The following COL14A1 variants were observed in gnomAD, a reference collection of about 807,000 sequenced individuals.
COL14A1 encodes the protein collagen type XIV alpha 1 chain, also known as collagen alpha-1(XIV) chain.
In COL14A1, 136 loss-of-function variants were observed where a neutral mutation model predicts 230.3. That is an observed-to-expected ratio of 0.59 (90% CI 0.51 to 0.68). COL14A1 has a LOEUF of 0.68. COL14A1 is among the 30% of genes least tolerant of loss of function. The probability of loss-of-function intolerance (pLI) is 0.00; values close to 1 mark genes in which losing one functional copy is unlikely to be tolerated. For missense variants in COL14A1, 1,976 were observed against 2,215.8 expected, an observed-to-expected ratio of 0.89 and a Z score of 2.17; for synonymous variants, 792 against 784.1, an observed-to-expected ratio of 1.01 and a Z score of -0.17.
intron 40 of COL14A1, among the ~76,000 whole-genome samples, chr8:120,327,542 C>CTTAA (rs1445531829): frequency 6.6e-6 from 1 of 152,114 alleles, no homozygotes; most frequent in Admixed American, 6.5e-5. Context: ...GGATCCTAAC[C>CTTAA]TTAAGCTTTT....
intron 40 of COL14A1, among the ~76,000 whole-genome samples, chr8:120,331,341 C>T (rs895823260): frequency 5.9e-5 from 9 of 152,098 alleles, no homozygotes; most frequent in Admixed American, 3.9e-4. Context: ...AAAAATTTTA[C>T]GAAATTTTAT....
rs757094640 is a variant in COL14A1, at chr8:120,255,248, G to C, written c.2761G>C (p.Gly921Arg). ...TTTCTATTTCATTCCAGTGTTCTTGGGTGTTACCAATCTCCAAGCCAAACA... is the reference window on the plus strand; with the variant it reads ...TTTCTATTTCATTCCAGTGTTCTTGCGTGTTACCAATCTCCAAGCCAAACA... ...LTGMVKTLFL[G>R]VTNLQAKHVE... The change falls in exon 23 of 48, where the codon GGT becomes CGT. Residue 921 changes from glycine (G) to arginine (R), a missense_variant. Gly to Arg is a moderately radical substitution (Grantham distance 125). This residue lies in a region of COL14A1 where 1,791 missense variants were observed against 2,019.5 expected (regional missense o/e 0.89). Transcript: ENST00000297848. 5 of 1,613,162 alleles carry C rather than the reference G, an allele frequency of 3.1e-6. No homozygotes were observed. The Admixed American group carries it at 5.0e-5, about 16-fold the overall frequency.
chr8:120,290,137 T>G (rs13270797), intron 34 of COL14A1, among the ~76,000 whole-genome samples: 2,738 of 152,294 alleles, frequency 0.018, 36 homozygotes, highest in Non-Finnish European at 0.024. Context: ...TGAACCTCAT[T>G]TATATAAGCA....
chr8:120,215,911 G>A (rs994961490), intron 13 of COL14A1, among the ~76,000 whole-genome samples: 1 of 152,174 alleles, frequency 6.6e-6, no homozygotes, highest in Non-Finnish European at 1.5e-5. Flanking sequence ...AGATACCAAC[G>A]TGGAAATGGC....
At chr8:120,348,536 G>T (rs1007285820) in intron 45 of COL14A1, among the ~76,000 whole-genome samples, 1 of 151,978 alleles carries the variant, frequency 6.6e-6, no homozygotes, top group Admixed American at 6.6e-5. Context: ...AGGGGGAAAG[G>T]GTGGGAAGTG....
At chr8:120,188,778 T>A (rs1308549811) in intron 5 of COL14A1, among the ~76,000 whole-genome samples, 1 of 152,258 alleles carries the variant, frequency 6.6e-6, no homozygotes. Context: ...TATGTTATTT[T>A]ACAAATTAAT....
At chr8:120,209,319 C>G (rs1817546297) in intron 11 of COL14A1, among the ~76,000 whole-genome samples, 1 of 152,006 alleles carries the variant, frequency 6.6e-6, no homozygotes, top group Non-Finnish European at 1.5e-5. Flanking sequence ...GCTAAGATTG[C>G]ACCACTGCAC....
chr8:120,172,720 T>G (rs996030097), intron 5 of COL14A1, among the ~76,000 whole-genome samples: 3 of 152,218 alleles, frequency 2.0e-5, no homozygotes, highest in African/African-American at 7.2e-5. Context: ...TGTACAACTT[T>G]CCTTGTCATC....
At chr8:120,151,994 C>G (rs1333959879) in intron 2 of COL14A1, among the ~76,000 whole-genome samples, 1 of 152,048 alleles carries the variant, frequency 6.6e-6, no homozygotes, top group Non-Finnish European at 1.5e-5. Flanking sequence ...AAAGGCAAGA[C>G]AATGATTGAT....
chr8:120,218,441 C>T (rs931483759), intron 14 of COL14A1, among the ~76,000 whole-genome samples: 5 of 151,696 alleles, frequency 3.3e-5, no homozygotes, highest in Admixed American at 1.3e-4. Flanking sequence ...TCCTGAGTAG[C>T]TGGGACTACA....
At chr8:120,358,801 G>A (rs1396987533) in intron 45 of COL14A1, among the ~76,000 whole-genome samples, 1 of 152,140 alleles carries the variant, frequency 6.6e-6, no homozygotes, top group Non-Finnish European at 1.5e-5. Flanking sequence ...TGTATTAGCT[G>A]TGATAAAACA....
rs1484870449 is a variant in COL14A1 at position 120,216,388 on chromosome 8, T to C, written c.1635T>C (p.Asn545=). 1 of 1,613,758 alleles carries C rather than the reference T, an allele frequency of 6.2e-7. No individual in the cohort carries two copies. Residue 545 remains asparagine (N), a synonymous_variant, in exon 14 of 48, where the codon AAT becomes AAC. Transcript: ENST00000297848. ...LSPPRNLRIS[N]VGSNSARLTW... is the part of the protein sequence containing the mutation. Reference sequence around the variant, plus strand: ...CACCAAGAAACCTGAGAATCTCCAATGTTGGCTCTAACAGTGCTCGATTAA... The same window carrying C: ...CACCAAGAAACCTGAGAATCTCCAACGTTGGCTCTAACAGTGCTCGATTAA...
chr8:120,372,795 A>G lies in COL14A1; in HGVS notation c.*1564A>G, dbSNP rs1169900093. 6.8e-6 allele frequency among the ~76,000 whole-genome samples: 1 copy of G among 146,262 alleles called. No individual in the cohort carries two copies. Among genetic ancestry groups the G allele is most frequent in the Non-Finnish European group, 1.5e-5 (1 of 66,488 alleles). ...AGACTTCATCTGAAGGATTCAAACA[A>G]TCTACTTGTGTGCCTTTGGTGGGGT... On this transcript the variant is annotated 3_prime_UTR_variant, in exon 48 of 48. Transcript: ENST00000297848.
At chr8:120,331,097 C>G (rs112115780) in intron 40 of COL14A1, among the ~76,000 whole-genome samples, 1 of 128,018 alleles carries the variant, frequency 7.8e-6, no homozygotes, top group Non-Finnish European at 1.6e-5. Context: ...AAGAGCAAAA[C>G]TCTGTCTCAC....
intron 5 of COL14A1, among the ~76,000 whole-genome samples, chr8:120,180,533 T>C (rs1816426982): frequency 6.6e-6 from 1 of 152,100 alleles, no homozygotes; most frequent in Non-Finnish European, 1.5e-5. Context: ...AGGGTCTCAA[T>C]CCAGTATCCG....
intron 5 of COL14A1, among the ~76,000 whole-genome samples, chr8:120,168,502 C>T (rs1288446427): frequency 6.6e-6 from 1 of 152,090 alleles, no homozygotes; most frequent in Admixed American, 6.6e-5. Flanking sequence ...CTGTGCATAC[C>T]TTTTCACTTG....
At chr8:120,225,993 GT>G (rs796574518) in intron 15 of COL14A1, among the ~76,000 whole-genome samples, 5,149 of 143,830 alleles carry the variant, frequency 0.036, 280 homozygotes, top group African/African-American at 0.12. Flanking sequence ...GGGTTTTTAT[GT>G]TTTTTTTTTT....
chr8:120,154,509 C>T (rs184359329), intron 2 of COL14A1, among the ~76,000 whole-genome samples: 4 of 152,206 alleles, frequency 2.6e-5, no homozygotes, highest in South Asian at 2.1e-4. Flanking sequence ...AATGGGTAGC[C>T]GCTCCTCAGT....
intron 19 of COL14A1, among the ~76,000 whole-genome samples, chr8:120,243,307 G>A (rs11781442): frequency 0.075 from 11,412 of 152,166 alleles, 976 homozygotes; most frequent in East Asian, 0.4. Context: ...ACTCCTTTCA[G>A]AAATAAAAAA....
Sources: allele counts gnomAD v4.1 joint callset (sites outside exome capture counted in the v4.1 genomes callset), GRCh38; gene constraint gnomAD v4.1.1; regional missense constraint gnomAD v4.1.1; transcripts MANE v1.5; gene names NCBI Gene and HGNC (gene_info 2026-07-23, HGNC 2026-07-21).